Variants in SLIT3 observed in about 807,000 individuals in gnomAD.
SLIT3 encodes slit guidance ligand 3.
SLIT3 carries 68 observed loss-of-function variants against 184.0 expected under a neutral mutation model. The observed-to-expected ratio is 0.37, with a 90% CI of 0.30 to 0.45. The LOEUF (loss-of-function observed/expected upper bound fraction) is 0.45. SLIT3 is among the 20% of genes least tolerant of loss of function. SLIT3 has a pLI of 1.00. For synonymous variants in SLIT3, 831 were observed against 828.6 expected (o/e 1.00, Z -0.05); for missense variants, 1,707 against 2,026.0 (o/e 0.84, Z 3.02).
intron 4 of SLIT3, among the ~76,000 whole-genome samples, chr5:168,907,323 C>A (rs1047406927): frequency 1.3e-5 from 2 of 152,182 alleles, no homozygotes; most frequent in African/African-American, 4.8e-5. Context: ...GACAGGCTGA[C>A]CATAAGAGCC....
chr5:168,886,644 T>C (rs547203651), intron 4 of SLIT3, among the ~76,000 whole-genome samples: 1 of 151,994 alleles, frequency 6.6e-6, no homozygotes, highest in South Asian at 2.1e-4. Flanking sequence ...TTCTAAACAC[T>C]AGAAGAAAGG....
intron 1 of SLIT3, among the ~76,000 whole-genome samples, chr5:169,262,813 T>C (rs1766242868): frequency 1.3e-5 from 2 of 152,184 alleles, no homozygotes; most frequent in Non-Finnish European, 2.9e-5. Context: ...CATTGGCACA[T>C]ATGTTCCTGC....
intron 14 of SLIT3, among the ~76,000 whole-genome samples, chr5:168,764,529 A>AT (rs930409387): frequency 1.3e-5 from 2 of 151,934 alleles, no homozygotes; most frequent in Non-Finnish European, 2.9e-5. Context: ...TGAATGGGGT[A>AT]TTTTTCCATA....
intron 15 of SLIT3, 24 bp from the exon 16 acceptor site, chr5:168,760,960 G>A: frequency 6.3e-7 from 1 of 1,588,436 alleles, no homozygotes; most frequent in South Asian, 1.1e-5. Flanking sequence ...AAGATGAGTG[G>A]TAGGTTAGCT....
intron 3 of SLIT3, among the ~76,000 whole-genome samples, chr5:169,212,597 G>C (rs1764302479): frequency 6.6e-6 from 1 of 152,074 alleles, no homozygotes; most frequent in Non-Finnish European, 1.5e-5. Flanking sequence ...TTCTTTTGCT[G>C]TGCAGAAGCT....
rs73805032 is a variant in SLIT3, at chr5:169,216,883, C to T, written c.342-23333G>A. Among the ~76,000 whole-genome samples the T allele has an allele frequency of 4.8e-3, 730 of 152,178 alleles. 6 individuals carry two copies. Among genetic ancestry groups the T allele is most frequent in the African/African-American group, 0.016 (670 of 41,516 alleles). The stretch of plus-strand genomic sequence containing the variant: ...ACTTATGAGCCGATAGGTATTGCTA[C>T]GGGGAGATGCGTGGCTCGGATGTTA... On this transcript the variant is annotated intron_variant, in intron 3 of 35. Coordinates refer to ENST00000519560, the MANE Select transcript of SLIT3 (RefSeq NM_003062.4).
intron 4 of SLIT3, among the ~76,000 whole-genome samples, chr5:169,091,850 G>C (rs551431486): frequency 1.3e-5 from 2 of 152,338 alleles, no homozygotes; most frequent in South Asian, 4.1e-4. Context: ...CTGGGCCAAG[G>C]TCCTTCTGGA....
chr5:169,178,025 C>T (rs866593994), intron 4 of SLIT3, among the ~76,000 whole-genome samples: 2 of 152,196 alleles, frequency 1.3e-5, no homozygotes, highest in African/African-American at 2.4e-5. Flanking sequence ...ACAGCAACCA[C>T]GTGGAGGCAG....
chr5:168,979,951 C>A (rs1036822752), intron 4 of SLIT3, among the ~76,000 whole-genome samples: 2 of 152,140 alleles, frequency 1.3e-5, no homozygotes, highest in African/African-American at 4.8e-5. Flanking sequence ...CCTAGGCTCA[C>A]TTCACAAAAA....
chr5:168,716,411 C>T (rs1366328766), intron 23 of SLIT3, among the ~76,000 whole-genome samples: 10 of 151,964 alleles, frequency 6.6e-5, no homozygotes, highest in Admixed American at 6.6e-4. Context: ...GCTAATATAC[C>T]ACTTCATAAG....
intron 23 of SLIT3, 75 bp from the exon 24 acceptor site, chr5:168,712,429 C>T: frequency 1.6e-6 from 2 of 1,271,218 alleles, no homozygotes; most frequent in East Asian, 2.3e-5. Context: ...GCCTCCAGTG[C>T]CTGGCCCTGC....
intron 25 of SLIT3, among the ~76,000 whole-genome samples, chr5:168,709,883 TGA>T (rs987401760): frequency 2.0e-5 from 3 of 151,806 alleles, no homozygotes; most frequent in African/African-American, 7.3e-5. Flanking sequence ...GAGAAAATAA[TGA>T]GAGTCTAATG....
intron 4 of SLIT3, among the ~76,000 whole-genome samples, chr5:168,914,837 T>C (rs1761381827): frequency 6.6e-6 from 1 of 152,128 alleles, no homozygotes; most frequent in Non-Finnish European, 1.5e-5. Context: ...AAAGAACACA[T>C]GCCCCATCTG....
chr5:169,249,613 G>A (rs1025607773), intron 2 of SLIT3, among the ~76,000 whole-genome samples: 1 of 152,134 alleles, frequency 6.6e-6, no homozygotes, highest in African/African-American at 2.4e-5. Context: ...AAAAAATAAA[G>A]TGAGAAGGTA....
At position 168,672,671 on chromosome 5, in the gene SLIT3, A is replaced by G. The variant is rs571820220; in HGVS notation, c.3841+506T>C. Among the ~76,000 whole-genome samples the G allele has an allele frequency of 9.2e-5, 14 of 152,140 alleles. No individual in the cohort carries two copies. In the South Asian group the frequency reaches 2.5e-3, roughly 27 times the overall value. On this transcript the variant is annotated intron_variant, in intron 33 of 35. Transcript: ENST00000519560. ...AAATATTTTGTAGAGATGAGGTCTC[A>G]CTGTGTTGCCTAGGCTGGCCTCCAA...
intron 23 of SLIT3, among the ~76,000 whole-genome samples, chr5:168,716,867 G>A (rs573605243): frequency 6.7e-6 from 1 of 150,286 alleles, no homozygotes; most frequent in Non-Finnish European, 1.5e-5. Flanking sequence ...AAAGAGCACT[G>A]GGCTAGGAGC....
intron 4 of SLIT3, among the ~76,000 whole-genome samples, chr5:168,954,277 G>A (rs997055467): frequency 4.6e-5 from 7 of 152,050 alleles, no homozygotes; most frequent in African/African-American, 1.7e-4. Flanking sequence ...CACAGATAAT[G>A]GACACAATGT....
At chr5:169,074,264 C>G (rs924923821) in intron 4 of SLIT3, among the ~76,000 whole-genome samples, 2 of 152,136 alleles carry the variant, frequency 1.3e-5, no homozygotes, top group Non-Finnish European at 2.9e-5. Context: ...GTCTCCAGGT[C>G]TCATTTTCCA....
At chr5:168,666,870 T>C (rs1449963505) in intron 35 of SLIT3, 181 bp from the exon 36 acceptor site, 1 of 952,844 alleles carries the variant, frequency 1.0e-6, no homozygotes, top group South Asian at 1.4e-5. Flanking sequence ...GTGCCTTTCC[T>C]GTACCAGGCT....
Sources: gnomAD v4.1 joint callset for allele counts (sites outside exome capture counted in the v4.1 genomes callset) on GRCh38, gnomAD v4.1.1 for gene constraint, MANE v1.5 for transcripts, NCBI Gene and HGNC (gene_info 2026-07-23, HGNC 2026-07-21) for gene names.